ZFAND4: variants seen among roughly 807,000 people sequenced by gnomAD.
The protein encoded by ZFAND4 is AN1-type zinc finger protein 4.
A neutral mutation model predicts 64.4 loss-of-function variants in ZFAND4; 43 were observed. The ratio of observed to expected loss-of-function variants is 0.67; its 90% CI spans 0.52 to 0.86. ZFAND4 has a LOEUF of 0.86. Ranked by LOEUF, ZFAND4 falls within the 40% of genes least tolerant of loss-of-function variation. The probability of loss-of-function intolerance (pLI) is 0.00; values close to 1 mark genes in which losing one functional copy is unlikely to be tolerated. For synonymous variants in ZFAND4, 296 were observed against 305.7 expected (o/e 0.97, Z 0.33); for missense variants, 929 against 859.8 (o/e 1.08, Z -1.01).
Position 45,626,899 on chromosome 10 carries a change from G to A in ZFAND4, c.924C>T (p.Tyr308=), listed in dbSNP as rs898935739. ...GAAATTCACCAGTGATAGAAGATAT[G>A]TATCTCTCAGCAGAGAGTTGAGTTG... ...SLATQLSAER[Y]ISSITGEFLK... Residue 308 remains tyrosine (Y), a synonymous_variant, in exon 7 of 10, where the codon TAC becomes TAT. Transcript: ENST00000344646. 2.5e-6 allele frequency: 4 copies of A among 1,614,110 alleles called. No homozygotes were observed. Among genetic ancestry groups the A allele is most frequent in the Non-Finnish European group, 3.4e-6 (4 of 1,180,048 alleles).
chr10:45,636,449 A>G (rs2046600187), intron 6 of ZFAND4, among the ~76,000 whole-genome samples: 1 of 152,162 alleles, frequency 6.6e-6, no homozygotes. Context: ...CAACCTGACC[A>G]ACATGGTGAA....
Position 45,663,667 on chromosome 10 carries a change from T to C in ZFAND4, c.59A>G (p.Tyr20Cys), listed in dbSNP as rs759696181. ...CATGGTATCACAGAAATGAAGTCTG[T>C]AGTAAAATGGTCCCATGTTATCATC... ...FNDDNMGPFY[Y>C]RLHFCDTMEL... Residue 20 changes from tyrosine to cysteine, a missense_variant, in exon 2 of 10, where the codon TAC (tyrosine) becomes TGC (cysteine). Tyr to Cys is a radical substitution (Grantham distance 194, BLOSUM62 -2). Transcript: ENST00000344646. 3 of 1,610,750 alleles carry C rather than the reference T, an allele frequency of 1.9e-6. No homozygotes were observed. Among genetic ancestry groups the C allele is most frequent in the African/African-American group, 2.7e-5 (2 of 74,870 alleles).
At chr10:45,619,694 T>C (rs987599245) in intron 8 of ZFAND4, among the ~76,000 whole-genome samples, 1 of 152,006 alleles carries the variant, frequency 6.6e-6, no homozygotes, top group Non-Finnish European at 1.5e-5. Flanking sequence ...ATTGGTTCTA[T>C]GTCTTTTTTT....
At chr10:45,639,676 A>T in intron 6 of ZFAND4, 140 bp downstream of exon 6, 1 of 1,046,734 alleles carries the variant, frequency 9.6e-7, no homozygotes, top group Non-Finnish European at 1.3e-6. Flanking sequence ...TCCCTTTTAG[A>T]AGTTTAATAA....
At position 45,626,992 on chromosome 10, in the gene ZFAND4, T is replaced by C. The variant is rs752814970; in HGVS notation, c.831A>G (p.Gln277=). The C allele has an allele frequency of 1.1e-5, 17 of 1,613,796 alleles. No individual in the cohort carries two copies. The highest frequency in any genetic ancestry group is 3.3e-5 in the South Asian group (3 of 91,012). The change falls in exon 7 of 10, where the codon CAA becomes CAG. Residue 277 remains glutamine (Q), a synonymous_variant. Coordinates refer to ENST00000344646, the MANE Select transcript of ZFAND4 (RefSeq NM_174890.4). ...RLLRVLPNIG[Q]SCSPAFGNAY... ...CATTCCCAAAAGCAGGTGAACAAGA[T>C]TGACCAATGTTGGGGAGGACCCTTA...
At chr10:45,670,616 A>T (rs538185198) in intron 1 of ZFAND4, among the ~76,000 whole-genome samples, 4 of 152,360 alleles carry the variant, frequency 2.6e-5, no homozygotes, top group African/African-American at 9.6e-5. Context: ...GTGCTGGGAA[A>T]ACTGGCTAGC....
At chr10:45,616,984 A>C (rs1240378281) in intron 9 of ZFAND4, among the ~76,000 whole-genome samples, 1 of 152,042 alleles carries the variant, frequency 6.6e-6, no homozygotes, top group Non-Finnish European at 1.5e-5. Context: ...AGGCTGAGGC[A>C]GGAGAATCGC....
chr10:45,670,465 C>G (rs979577758), intron 1 of ZFAND4, among the ~76,000 whole-genome samples: 1 of 152,188 alleles, frequency 6.6e-6, no homozygotes, highest in Non-Finnish European at 1.5e-5. Context: ...GTCTCAAACT[C>G]TCAACCTCAG....
intron 6 of ZFAND4, among the ~76,000 whole-genome samples, chr10:45,637,724 T>C (rs1249236517): frequency 1.3e-5 from 2 of 152,098 alleles, no homozygotes; most frequent in Non-Finnish European, 2.9e-5. Flanking sequence ...CACTCCAGCC[T>C]GGGCAACAGG....
At chr10:45,669,615 T>C (rs1254259818) in intron 1 of ZFAND4, among the ~76,000 whole-genome samples, 1 of 152,154 alleles carries the variant, frequency 6.6e-6, no homozygotes, top group African/African-American at 2.4e-5. Flanking sequence ...GATGAACATC[T>C]ATGCGAAAAT....
At chr10:45,624,835 T>A (rs985052417) in intron 7 of ZFAND4, among the ~76,000 whole-genome samples, 198 bp from the exon 8 acceptor site, 30 of 152,180 alleles carry the variant, frequency 2.0e-4, no homozygotes, top group African/African-American at 7.0e-4. Context: ...TATTTATCTT[T>A]AAGAGGGTAG....
chr10:45,643,464 A>C (rs866659485), intron 5 of ZFAND4, among the ~76,000 whole-genome samples: 1 of 151,214 alleles, frequency 6.6e-6, no homozygotes, highest in African/African-American at 2.4e-5. Flanking sequence ...AGGACGGGAG[A>C]TCAAGACCAT....
At chr10:45,623,122 G>A (rs756679209) in intron 8 of ZFAND4, among the ~76,000 whole-genome samples, 4 of 152,138 alleles carry the variant, frequency 2.6e-5, no homozygotes, top group African/African-American at 7.2e-5. Context: ...AAAATAACAA[G>A]TGTTGCCAAG....
chr10:45,663,717 G>C lies in ZFAND4; in HGVS notation c.9C>G (p.Asn3Lys). 6.3e-7 allele frequency: 1 copy of C among 1,597,734 alleles called. No homozygotes were observed. The highest frequency in any genetic ancestry group is 1.2e-5 in the South Asian group (1 of 86,262). Residue 3 changes from asparagine to lysine, a missense_variant, in exon 2 of 10, where the codon AAC (asparagine) becomes AAG (lysine). By Grantham distance (94) the Asn-to-Lys change is moderately conservative. Coordinates refer to ENST00000344646, the MANE Select transcript of ZFAND4 (RefSeq NM_174890.4). MD[N>K]RKEPPFFNDD... ...CATTGAAGAATGGAGGCTCTTTTCTGTTATCCATTACTTTGACTTTTCTAG... is the reference window on the plus strand; with the variant it reads ...CATTGAAGAATGGAGGCTCTTTTCTCTTATCCATTACTTTGACTTTTCTAG...
intron 5 of ZFAND4, among the ~76,000 whole-genome samples, chr10:45,641,729 T>C (rs2047012658): frequency 6.6e-6 from 1 of 152,240 alleles, no homozygotes; most frequent in Non-Finnish European, 1.5e-5. Flanking sequence ...TGCCATTTAC[T>C]GAATGCCTGC....
In ZFAND4 at chr10:45,626,859, T is replaced by C. The variant is rs563601972; in HGVS notation, c.964A>G (p.Ser322Gly). Residue 322 changes from serine (S) to glycine (G), a missense_variant, in exon 7 of 10, where the codon AGC (serine) becomes GGC (glycine). Coordinates refer to ENST00000344646, the MANE Select transcript of ZFAND4 (RefSeq NM_174890.4). ...ITGEFLKEDNSWENNTLSHFS... is the reference protein window; with the variant it reads ...ITGEFLKEDNGWENNTLSHFS... ...TGAGACAGTGTGTTATTCTCCCAGCTATTATCTTCCTTAAGAAATTCACCA... is the reference window on the plus strand; with the variant it reads ...TGAGACAGTGTGTTATTCTCCCAGCCATTATCTTCCTTAAGAAATTCACCA... The C allele has an allele frequency of 4.3e-6, 7 of 1,614,220 alleles. No homozygotes were observed. The East Asian group carries it at 1.6e-4, about 36-fold the overall frequency.
intron 5 of ZFAND4, among the ~76,000 whole-genome samples, chr10:45,644,016 A>G (rs1483256755): frequency 6.6e-6 from 1 of 152,190 alleles, no homozygotes; most frequent in African/African-American, 2.4e-5. Flanking sequence ...TATTCACCCA[A>G]TCATGTATTA....
At chr10:45,640,519 C>G in intron 5 of ZFAND4, 1 of 932,540 alleles carries the variant, frequency 1.1e-6, no homozygotes, top group South Asian at 1.9e-5. Context: ...TTGAGACAGT[C>G]TCACTCTTGT....
At chr10:45,651,709 G>A in intron 4 of ZFAND4, 1 of 569,042 alleles carries the variant, frequency 1.8e-6, no homozygotes, top group South Asian at 1.5e-5. Context: ...TTCCATTTCT[G>A]TTCCCTATAC....
Sources: gnomAD v4.1 joint callset for allele counts (sites outside exome capture counted in the v4.1 genomes callset) on GRCh38, gnomAD v4.1.1 for gene constraint, MANE v1.5 for transcripts, NCBI Gene and HGNC (gene_info 2026-07-23, HGNC 2026-07-21) for gene names.